The following SPATA22 variants were observed in gnomAD, a reference collection of about 807,000 sequenced individuals.
SPATA22 encodes spermatogenesis-associated protein 22.
SPATA22 carries 29 observed loss-of-function variants against 47.8 expected under a neutral mutation model. The ratio of observed to expected loss-of-function variants is 0.61; its 90% CI spans 0.45 to 0.83. The LOEUF is 0.83. Ranked by LOEUF, SPATA22 falls within the 40% of genes least tolerant of loss-of-function variation. The pLI, the probability that SPATA22 is intolerant of heterozygous loss-of-function variation, is 0.00. For missense variants in SPATA22, 410 were observed against 421.7 expected (o/e 0.97, Z 0.24); for synonymous variants, 133 against 140.9 (o/e 0.94, Z 0.40).
rs540049918 is a variant in SPATA22, at chr17:3,443,199, G to C, written c.875C>G (p.Thr292Ser). The C allele has an allele frequency of 3.7e-6, 6 of 1,610,170 alleles. No homozygotes were observed. Among genetic ancestry groups the C allele is most frequent in the South Asian group, 1.1e-5 (1 of 90,628 alleles). ...KTFLMRDGKN[T>S]LPCVFYEIDR... is the part of the protein sequence containing the mutation. ...GATTTCATAAAAGACACAAGGCAGAGTATTTTTCCCATCCCTCATAAGAAA... is the reference window on the plus strand; with the variant it reads ...GATTTCATAAAAGACACAAGGCAGACTATTTTTCCCATCCCTCATAAGAAA... The change falls in exon 8 of 9, where the codon ACT becomes AGT. Residue 292 changes from threonine to serine, a missense_variant. Transcript: ENST00000572969.
intron 5 of SPATA22, among the ~76,000 whole-genome samples, chr17:3,457,471 G>GA (rs1237009932): frequency 6.6e-6 from 1 of 151,662 alleles, no homozygotes; most frequent in Non-Finnish European, 1.5e-5. Context: ...CACAGAAATA[G>GA]AAAAAACAAT....
chr17:3,498,366 A>C lies in SPATA22; in HGVS notation c.-74+15046T>G, dbSNP rs573476029. Among the ~76,000 whole-genome samples the C allele has an allele frequency of 3.6e-4, 54 of 152,056 alleles. No homozygotes were observed. The South Asian group carries it at 7.5e-3, about 21-fold the overall frequency. ...CAAACTCTTTTTTATTTTTTTTTAG[A>C]GACAGGGTTTCATTCTGTCACCCAG... On this transcript the variant is annotated intron_variant, in intron 1 of 8. Coordinates refer to the SPATA22 transcript ENST00000541913.
chr17:3,465,193 A>G (rs1349314180), intron 3 of SPATA22, among the ~76,000 whole-genome samples: 28 of 130,150 alleles, frequency 2.2e-4, no homozygotes, highest in Non-Finnish European at 3.2e-4. Flanking sequence ...CGCCTCGTCC[A>G]GGAGGTGAGG....
intron 5 of SPATA22, among the ~76,000 whole-genome samples, chr17:3,449,528 CTT>C (rs1250393113): frequency 1.3e-5 from 2 of 152,112 alleles, no homozygotes; most frequent in Non-Finnish European, 2.9e-5. Flanking sequence ...TTACTTGCTT[CTT>C]TATATATTCA....
At chr17:3,465,380 G>A (rs1264422923) in intron 3 of SPATA22, among the ~76,000 whole-genome samples, 2 of 151,868 alleles carry the variant, frequency 1.3e-5, no homozygotes, top group African/African-American at 2.4e-5. Flanking sequence ...GATGGTTGCC[G>A]TGTCAGTGTA....
intron 1 of SPATA22, among the ~76,000 whole-genome samples, chr17:3,504,799 T>C: frequency 6.6e-6 from 1 of 152,148 alleles, no homozygotes; most frequent in South Asian, 2.1e-4. Flanking sequence ...ACTCAGATGA[T>C]CCACCCACCT....
At position 3,494,446 on chromosome 17, in the gene SPATA22, A is replaced by G. The variant is rs1057516995; in HGVS notation, c.-74+18966T>C. 7 of 1,604,164 alleles carry G rather than the reference A, an allele frequency of 4.4e-6. No individual in the cohort carries two copies. The highest frequency in any genetic ancestry group is 6.0e-6 in the Non-Finnish European group (7 of 1,170,866). ...AATGGAGAAATTGCTGCTATCATCC[A>G]TCCTAATCTGCAGGTAACATTTGTT... On this transcript the variant is annotated intron_variant, in intron 1 of 8. Transcript: ENST00000541913.
At chr17:3,468,740 A>G (rs574987289) in intron 2 of SPATA22, 107 of 186,800 alleles carry the variant, frequency 5.7e-4, no homozygotes, top group African/African-American at 2.3e-3. Context: ...AATGATTATA[A>G]TAACCTATCT....
At chr17:3,471,621 G>A (rs980193912) in intron 1 of SPATA22, 61 bp downstream of exon 1, 1 of 985,472 alleles carries the variant, frequency 1.0e-6, no homozygotes, top group South Asian at 4.7e-5. Flanking sequence ...GAGTTGAGAC[G>A]CTCTTCCAAA....
intron 1 of SPATA22, chr17:3,481,557 T>C: frequency 6.5e-7 from 1 of 1,531,502 alleles, no homozygotes; most frequent in Middle Eastern, 2.2e-4. Flanking sequence ...GTTTATATTA[T>C]CTCAGGCACA....
intron 5 of SPATA22, among the ~76,000 whole-genome samples, chr17:3,450,356 A>G (rs963613447): frequency 6.6e-6 from 1 of 152,236 alleles, no homozygotes; most frequent in Non-Finnish European, 1.5e-5. Context: ...AGTTAGTACA[A>G]AATAACGAGA....
At chr17:3,459,996 G>A (rs191897902) in intron 5 of SPATA22, among the ~76,000 whole-genome samples, 1 of 152,248 alleles carries the variant, frequency 6.6e-6, no homozygotes, top group African/African-American at 2.4e-5. Context: ...TAACAAGAAT[G>A]GTTGAAAGAC....
At chr17:3,474,154 ACT>A (rs1196869843), upstream of SPATA22, 2 of 152,138 alleles carry the variant, frequency 1.3e-5, no homozygotes, top group Non-Finnish European at 2.9e-5. Context: ...CAGAAGACAA[ACT>A]CTGTACACAA....
chr17:3,441,233 G>A (rs961233448), intron 8 of SPATA22: 2 of 151,956 alleles, frequency 1.3e-5, no homozygotes, highest in Non-Finnish European at 2.9e-5. Context: ...GTGGGAAAAA[G>A]CAAACCATGG....
chr17:3,502,404 T>C (rs963207576), intron 1 of SPATA22: 2 of 152,258 alleles, frequency 1.3e-5, no homozygotes, highest in Non-Finnish European at 2.9e-5. Flanking sequence ...CTCTGAGGTA[T>C]GCCTGTAATG....
At chr17:3,500,126 G>A (rs1480871782) in intron 1 of SPATA22, 1 of 152,264 alleles carries the variant, frequency 6.6e-6, no homozygotes. Context: ...TTCTGTGAAG[G>A]CTGAGAGAGG....
At chr17:3,482,302 C>T (rs2073644540) in intron 1 of SPATA22, among the ~76,000 whole-genome samples, 2 of 152,152 alleles carry the variant, frequency 1.3e-5, no homozygotes, top group African/African-American at 2.4e-5. Flanking sequence ...GTCCTGCCCT[C>T]GTCCCCATTT....
chr17:3,480,169 A>G (rs1025287622), intron 1 of SPATA22, among the ~76,000 whole-genome samples: 8 of 152,184 alleles, frequency 5.3e-5, no homozygotes, highest in African/African-American at 1.9e-4. Context: ...CCAAGGCAGG[A>G]GGATTGCCTG....
intron 5 of SPATA22, among the ~76,000 whole-genome samples, chr17:3,461,093 T>C (rs1378097683): frequency 6.6e-6 from 1 of 152,204 alleles, no homozygotes; most frequent in Non-Finnish European, 1.5e-5. Context: ...ACTAGGCTGC[T>C]AGAAACAATA....
Sources: gnomAD v4.1 joint callset for allele counts (sites outside exome capture counted in the v4.1 genomes callset) on GRCh38, gnomAD v4.1.1 for gene constraint, MANE v1.5 for transcripts, NCBI Gene and HGNC (gene_info 2026-07-23, HGNC 2026-07-21) for gene names.